The following GKAP1 variants were observed in gnomAD, a reference collection of about 807,000 sequenced individuals.
GKAP1 encodes the protein G kinase anchoring protein 1, also known as G kinase-anchoring protein 1.
GKAP1 carries 31 observed loss-of-function variants against 56.7 expected under a neutral mutation model. The observed-to-expected ratio is 0.55, with a 90% CI of 0.41 to 0.74. GKAP1 has a LOEUF of 0.74. Among genes scored for constraint, GKAP1 ranks in the 30% least tolerant of loss-of-function variants. The probability of loss-of-function intolerance (pLI) is 0.00; values close to 1 mark genes in which losing one functional copy is unlikely to be tolerated. For synonymous variants in GKAP1, 151 were observed against 138.6 expected (o/e 1.09, Z -0.63); for missense variants, 364 against 402.3 (o/e 0.90, Z 0.82).
intron 7 of GKAP1, among the ~76,000 whole-genome samples, chr9:83,778,720 A>G (rs1318682024): frequency 6.6e-6 from 1 of 152,056 alleles, no homozygotes; most frequent in Non-Finnish European, 1.5e-5. Flanking sequence ...AACAAAAATA[A>G]AGATAATGTG....
At chr9:83,762,922 C>T (rs749116172) in intron 8 of GKAP1, among the ~76,000 whole-genome samples, 3 of 152,116 alleles carry the variant, frequency 2.0e-5, no homozygotes, top group Admixed American at 1.3e-4. Flanking sequence ...CCACATGATC[C>T]AACAATCCTG....
intron 9 of GKAP1, among the ~76,000 whole-genome samples, chr9:83,752,433 A>T (rs961444334): frequency 6.6e-6 from 1 of 152,156 alleles, no homozygotes; most frequent in African/African-American, 2.4e-5. Flanking sequence ...CAAACAAACA[A>T]AAAAACCACA....
At chr9:83,812,288 T>C (rs1564218580) in intron 2 of GKAP1, among the ~76,000 whole-genome samples, 1 of 148,152 alleles carries the variant, frequency 6.7e-6, no homozygotes, top group Non-Finnish European at 1.5e-5. Context: ...TACACATATA[T>C]ACGTATATAT....
chr9:83,790,705 C>T (rs1237563268), intron 4 of GKAP1, among the ~76,000 whole-genome samples: 1 of 151,892 alleles, frequency 6.6e-6, no homozygotes, highest in African/African-American at 2.4e-5. Flanking sequence ...TCCAGCTACT[C>T]GGGAGGCTGA....
At chr9:83,742,831 T>G (rs888336817) in intron 10 of GKAP1, among the ~76,000 whole-genome samples, 1 of 152,212 alleles carries the variant, frequency 6.6e-6, no homozygotes, top group African/African-American at 2.4e-5. Flanking sequence ...CACAGCATTT[T>G]TTTCTTAGAA....
chr9:83,740,485 A>AC (rs1226436983), intron 12 of GKAP1, among the ~76,000 whole-genome samples: 2 of 152,050 alleles, frequency 1.3e-5, no homozygotes, highest in Non-Finnish European at 2.9e-5. Flanking sequence ...TAGCTACTCT[A>AC]CCCCCTTCAA....
At chr9:83,768,557 C>T (rs1488670002) in intron 8 of GKAP1, among the ~76,000 whole-genome samples, 2 of 152,134 alleles carry the variant, frequency 1.3e-5, no homozygotes, top group South Asian at 2.1e-4. Context: ...TTCGTGTTTC[C>T]ACTCCCTCAT....
chr9:83,771,049 T>C (rs912303381), intron 7 of GKAP1, among the ~76,000 whole-genome samples: 1 of 152,140 alleles, frequency 6.6e-6, no homozygotes, highest in African/African-American at 2.4e-5. Flanking sequence ...CTCTCACTCA[T>C]TGGTTTCACC....
At chr9:83,751,684 T>C (rs1943391917) in intron 9 of GKAP1, among the ~76,000 whole-genome samples, 1 of 151,314 alleles carries the variant, frequency 6.6e-6, no homozygotes. Context: ...AGGCACTCAA[T>C]AAATAATTGT....
chr9:83,771,213 C>G (rs763445603), intron 7 of GKAP1, among the ~76,000 whole-genome samples: 5 of 150,358 alleles, frequency 3.3e-5, no homozygotes, highest in Non-Finnish European at 4.4e-5. Flanking sequence ...CAGGCACATG[C>G]CACCACTCCT....
intron 2 of GKAP1, among the ~76,000 whole-genome samples, chr9:83,807,751 A>T (rs996834721): frequency 2.0e-5 from 3 of 152,220 alleles, no homozygotes; most frequent in African/African-American, 7.2e-5. Context: ...CACTGGTTAC[A>T]TATATATTTC....
Position 83,780,363 on chromosome 9 carries a change from T to C in GKAP1, c.585+19A>G. 1 of 1,344,074 alleles carries C rather than the reference T, an allele frequency of 7.4e-7. No individual in the cohort carries two copies. The highest frequency in any genetic ancestry group is 2.5e-5 in the East Asian group (1 of 40,358). 83.3% of individuals were successfully genotyped at this position (1,344,074 alleles called of 1,614,324 possible). A position where few individuals can be genotyped will look rare whatever the true frequency, so the allele number is the denominator to read the frequency against. ...AAAATCATCAGTGTTTTCTACAAGA[T>C]GGCTACAATAAGACTTACCTCAGTC... On this transcript the variant is annotated intron_variant, in intron 7 of 12. Transcript: ENST00000376371.
intron 6 of GKAP1, among the ~76,000 whole-genome samples, chr9:83,780,720 T>C (rs768925250): frequency 6.6e-6 from 1 of 152,072 alleles, no homozygotes; most frequent in Non-Finnish European, 1.5e-5. Flanking sequence ...TTCCACATAA[T>C]TTGGGAGGTG....
chr9:83,787,132 CAG>C (rs1481091457), intron 5 of GKAP1, among the ~76,000 whole-genome samples: 1 of 152,204 alleles, frequency 6.6e-6, no homozygotes. Flanking sequence ...TTTGAGGTAA[CAG>C]AAAGGGATAT....
Position 83,784,840 on chromosome 9 carries a change from TA to T in GKAP1, c.439-3del. The T allele has an allele frequency of 1.3e-6, 2 of 1,550,570 alleles. No homozygotes were observed. The highest frequency in any genetic ancestry group is 1.2e-5 in the South Asian group (1 of 82,504). On this transcript the variant is annotated splice_region_variant and splice_polypyrimidine_tract_variant and intron_variant, in intron 5 of 12. Transcript: ENST00000376371. Reference sequence around the variant, plus strand: ...AGTATTTTCAGCATCTTCATACTCCTAAAAAGAATTACCAACAACAATTAAG... The same window carrying T: ...AGTATTTTCAGCATCTTCATACTCCTAAAAGAATTACCAACAACAATTAAG...
Position 83,782,831 on chromosome 9 carries a change from C to T in GKAP1, c.562+1884G>A, listed in dbSNP as rs868841877. Among the ~76,000 whole-genome samples the T allele has an allele frequency of 4.7e-5, 7 of 150,158 alleles. No homozygotes were observed. In the South Asian group the frequency reaches 8.5e-4, roughly 18 times the overall value. ...ACAGGCACACGCCACCACACGCCCA[C>T]CTACTCTTTGTATTTTTAGTAGAGA... On this transcript the variant is annotated intron_variant, in intron 6 of 12. Transcript: ENST00000376371.
chr9:83,768,124 TA>T (rs1943694353), intron 8 of GKAP1, among the ~76,000 whole-genome samples: 1 of 152,226 alleles, frequency 6.6e-6, no homozygotes, highest in Admixed American at 6.5e-5. Flanking sequence ...TCTAACTTCT[TA>T]GTTTCACAGA....
intron 8 of GKAP1, among the ~76,000 whole-genome samples, chr9:83,765,788 A>C (rs1943653279): frequency 6.6e-6 from 1 of 152,200 alleles, no homozygotes; most frequent in Non-Finnish European, 1.5e-5. Flanking sequence ...TATTTACCCA[A>C]TGCCTGTACT....
intron 4 of GKAP1, among the ~76,000 whole-genome samples, chr9:83,789,359 G>A (rs1440820544): frequency 6.6e-6 from 1 of 152,058 alleles, no homozygotes; most frequent in African/African-American, 2.4e-5. Flanking sequence ...TTTCCTAATT[G>A]CCAAACAGAA....
Sources: allele counts gnomAD v4.1 joint callset (sites outside exome capture counted in the v4.1 genomes callset), GRCh38; gene constraint gnomAD v4.1.1; transcripts MANE v1.5; gene names NCBI Gene and HGNC (gene_info 2026-07-23, HGNC 2026-07-21).